Variants in NDUFA7 observed in about 807,000 individuals in gnomAD.
NDUFA7 encodes NADH:ubiquinone oxidoreductase subunit A7, also known as NADH dehydrogenase [ubiquinone] 1 alpha subcomplex subunit 7.
In NDUFA7, 18 loss-of-function variants were observed where a neutral mutation model predicts 14.2. The ratio of observed to expected loss-of-function variants is 1.27; its 90% CI spans 0.88 to 1.88. The LOEUF (loss-of-function observed/expected upper bound fraction) is 1.88. Ranked by LOEUF, NDUFA7 falls within the 40% of genes most tolerant of loss-of-function variation. NDUFA7 has a pLI of 0.00. For synonymous variants in NDUFA7, 75 were observed against 62.1 expected (o/e 1.21, Z -0.98); for missense variants, 172 against 147.3 (o/e 1.17, Z -0.87).
chr19:8,313,206 C>G (rs1244222968), intron 3 of NDUFA7, among the ~76,000 whole-genome samples: 2 of 151,920 alleles, frequency 1.3e-5, no homozygotes, highest in African/African-American at 4.8e-5. Context: ...CAGGCACACA[C>G]CACTGCGCCT....
In NDUFA7 at chr19:8,313,443, G is replaced by A. The variant is rs542856869; in HGVS notation, c.252-1848C>T. ...GACAGGGTTTCAACATGTTAGCCAC[G>A]ATGGTCTCGATCTCCTGACCTGGTG... On this transcript the variant is annotated intron_variant, in intron 3 of 3. Coordinates refer to ENST00000301457, the MANE Select transcript of NDUFA7 (RefSeq NM_005001.5). Among the ~76,000 whole-genome samples, 13 of 150,986 alleles carry A rather than the reference G, an allele frequency of 8.6e-5. 1 individual carries two copies. The highest frequency in any genetic ancestry group is 2.2e-4 in the African/African-American group (9 of 41,104).
At chr19:8,319,071 C>T (rs1257644615) in intron 2 of NDUFA7, among the ~76,000 whole-genome samples, 3 of 150,584 alleles carry the variant, frequency 2.0e-5, no homozygotes, top group Non-Finnish European at 4.4e-5. Flanking sequence ...ATTTCCTCAA[C>T]TGGCCCACAA....
chr19:8,311,446 A>G lies in NDUFA7; in HGVS notation c.*59T>C. ...ACGTATTTGTCATAAATTAGGTCAC[A>G]TTCTCCCTGGAGGAAATCCAAGGAG... On this transcript the variant is annotated 3_prime_UTR_variant, in exon 4 of 4. Transcript: ENST00000301457. 1 of 1,370,150 alleles carries G rather than the reference A, an allele frequency of 7.3e-7. No individual in the cohort carries two copies. The highest frequency in any genetic ancestry group is 1.0e-6 in the Non-Finnish European group (1 of 986,690). 84.9% of individuals were successfully genotyped at this position (1,370,150 alleles called of 1,614,324 possible). A position where few individuals can be genotyped will look rare whatever the true frequency, so the allele number is the denominator to read the frequency against.
At chr19:8,317,769 T>C (rs1262248891) in intron 2 of NDUFA7, among the ~76,000 whole-genome samples, 1 of 152,150 alleles carries the variant, frequency 6.6e-6, no homozygotes, top group Non-Finnish European at 1.5e-5. Context: ...GCTCAAGCAA[T>C]GCTCCCGCCT....
At chr19:8,315,920 C>T (rs562038111) in intron 3 of NDUFA7, among the ~76,000 whole-genome samples, 12 of 151,896 alleles carry the variant, frequency 7.9e-5, no homozygotes, top group South Asian at 4.2e-4. Context: ...TTTGGGAGGC[C>T]GAGTCGGGTG....
chr19:8,318,740 G>A lies in NDUFA7; in HGVS notation c.102-2095C>T, dbSNP rs552888775. The stretch of plus-strand genomic sequence containing the variant: ...TGTAATCCCAGCACTTTGGGAGGCC[G>A]AGGCGGGCAGATCACGAGGTCAAGA... On this transcript the variant is annotated intron_variant, in intron 2 of 3. Transcript: ENST00000301457. Among the ~76,000 whole-genome samples the A allele has an allele frequency of 5.6e-4, 82 of 147,448 alleles. 2 individuals carry two copies. The East Asian group carries it at 0.013, about 23-fold the overall frequency.
intron 1 of NDUFA7, 62 bp from the exon 2 acceptor site, chr19:8,320,968 G>A (rs1303252875): frequency 5.0e-6 from 8 of 1,585,974 alleles, no homozygotes; most frequent in South Asian, 1.1e-5. Context: ...GAAAGGAGAG[G>A]GCAAGGGACC....
At chr19:8,315,822 C>T (rs556252059) in intron 3 of NDUFA7, among the ~76,000 whole-genome samples, 115 of 151,994 alleles carry the variant, frequency 7.6e-4, no homozygotes, top group Admixed American at 1.8e-3. Flanking sequence ...TCAGCCTGGG[C>T]GACGCAGGGA....
intron 3 of NDUFA7, among the ~76,000 whole-genome samples, chr19:8,312,188 C>A (rs370954168): frequency 6.6e-6 from 1 of 152,214 alleles, no homozygotes; most frequent in East Asian, 1.9e-4. Flanking sequence ...GCCGGCAAGT[C>A]CAGGACGAGC....
rs561 is a variant in NDUFA7, at chr19:8,311,547, G to A, written c.300C>T (p.Pro100=). Residue 100 remains proline (P), a synonymous_variant, in exon 4 of 4, where the codon CCC becomes CCT. Coordinates refer to ENST00000301457, the MANE Select transcript of NDUFA7 (RefSeq NM_005001.5). The part of the protein sequence containing the change: ...TEKKAVTPAP[P]IKRWELSSDQ... The stretch of plus-strand genomic sequence containing the variant: ...CCGAGGACAGCTCCCACCTCTTTAT[G>A]GGAGGAGCTGGAGTCACCGCCTTCT... 287,866 of 1,611,872 alleles carry A rather than the reference G, an allele frequency of 0.18. 27,727 individuals carry two copies. Among genetic ancestry groups the A allele is most frequent in the Admixed American group, 0.28 (16,875 of 59,784 alleles).
At chr19:8,321,032 G>A (rs892751873) in intron 1 of NDUFA7, 126 bp from the exon 2 acceptor site, 19 of 1,116,082 alleles carry the variant, frequency 1.7e-5, no homozygotes, top group Non-Finnish European at 2.5e-5. Flanking sequence ...GAACACTCGG[G>A]GAAACGGATG....
downstream of NDUFA7, chr19:8,308,626 G>A: frequency 1.7e-5 from 6 of 347,366 alleles, no homozygotes; most frequent in South Asian, 7.5e-5. Context: ...TAATATGGCA[G>A]CCACGCCCCT....
At chr19:8,316,185 T>C (rs908317998) in intron 3 of NDUFA7, among the ~76,000 whole-genome samples, 1 of 143,450 alleles carries the variant, frequency 7.0e-6, no homozygotes, top group Non-Finnish European at 1.5e-5. Context: ...CCCAGCATGG[T>C]GGCACTAATC....
rs763349103 is a variant in NDUFA7 at position 8,321,291 on chromosome 19, C to T, written c.51+17G>A. ...GCCCGAAGCCCCCCATGGTGCAGCC[C>T]TGTCCGCCCCGCGCACCCCGGACGC... On this transcript the variant is annotated intron_variant, in intron 1 of 3. Transcript: ENST00000301457. The T allele has an allele frequency of 1.9e-6, 3 of 1,559,752 alleles. No individual in the cohort carries two copies. Among genetic ancestry groups the T allele is most frequent in the South Asian group, 2.3e-5 (2 of 85,226 alleles).
chr19:8,318,738 C>T (rs1264399526), intron 2 of NDUFA7, among the ~76,000 whole-genome samples: 5 of 147,588 alleles, frequency 3.4e-5, no homozygotes, highest in Non-Finnish European at 7.4e-5. Context: ...CTTTGGGAGG[C>T]CGAGGCGGGC....
chr19:8,320,989 C>A, intron 1 of NDUFA7, 83 bp from the exon 2 acceptor site: 1 of 1,492,252 alleles, frequency 6.7e-7, no homozygotes, highest in Non-Finnish European at 9.3e-7. Flanking sequence ...AGGGATGGTC[C>A]GGGGATGCGC....
chr19:8,309,349 C>T (rs1970147055), downstream of NDUFA7, among the ~76,000 whole-genome samples: 1 of 151,840 alleles, frequency 6.6e-6, no homozygotes, highest in Admixed American at 6.6e-5. Context: ...TAACATGCTC[C>T]TGTAGTCCCA....
chr19:8,319,056 A>C (rs1203732623), intron 2 of NDUFA7, among the ~76,000 whole-genome samples: 3 of 149,174 alleles, frequency 2.0e-5, no homozygotes, highest in African/African-American at 7.4e-5. Context: ...AACTTTCACA[A>C]AGCCATTTCC....
intron 3 of NDUFA7, among the ~76,000 whole-genome samples, chr19:8,313,404 G>A (rs538956978): frequency 1.3e-5 from 2 of 151,962 alleles, no homozygotes; most frequent in East Asian, 3.9e-4. Flanking sequence ...CTAATTTTTT[G>A]TATTTTTAGT....
Sources: allele counts gnomAD v4.1 joint callset (sites outside exome capture counted in the v4.1 genomes callset), GRCh38; gene constraint gnomAD v4.1.1; transcripts MANE v1.5; gene names NCBI Gene and HGNC (gene_info 2026-07-23, HGNC 2026-07-21).